The following EPB41L4A variants were observed in gnomAD, a reference collection of about 807,000 sequenced individuals.
EPB41L4A encodes the protein erythrocyte membrane protein band 4.1 like 4A, also known as band 4.1-like protein 4A.
Under a neutral mutation model 108.6 loss-of-function variants are expected in EPB41L4A, and 100 were observed. That is an observed-to-expected ratio of 0.92 (90% confidence interval 0.78 to 1.09). EPB41L4A has a LOEUF of 1.09. Among genes scored for constraint, EPB41L4A ranks in the 50% least tolerant of loss-of-function variants. The pLI is 0.00. For synonymous variants in EPB41L4A, 319 were observed against 289.0 expected, an observed-to-expected ratio of 1.10 and a Z score of -1.05; for missense variants, 1,030 against 842.7, an observed-to-expected ratio of 1.22 and a Z score of -2.75.
At chr5:112,388,557 C>T (rs577008702) in intron 1 of EPB41L4A, among the ~76,000 whole-genome samples, 18 of 152,130 alleles carry the variant, frequency 1.2e-4, no homozygotes, top group African/African-American at 3.6e-4. Context: ...TTGAAGAGAC[C>T]GAGAGAGAAT....
intron 1 of EPB41L4A, among the ~76,000 whole-genome samples, chr5:112,380,792 T>TACAC (rs34831455): frequency 0.012 from 1,689 of 141,198 alleles, 20 homozygotes; most frequent in African/African-American, 0.032. Flanking sequence ...ATCACACACA[T>TACAC]ACACACACAC....
chr5:112,260,256 A>G (rs1056354570), intron 7 of EPB41L4A, among the ~76,000 whole-genome samples: 1 of 152,230 alleles, frequency 6.6e-6, no homozygotes, highest in African/African-American at 2.4e-5. Flanking sequence ...GACTTACCCA[A>G]CTTTCCTTAC....
chr5:112,194,528 G>C, intron 17 of EPB41L4A, 40 bp downstream of exon 17: 1 of 1,246,566 alleles, frequency 8.0e-7, no homozygotes, highest in Non-Finnish European at 1.1e-6. Flanking sequence ...GGCAGCCTCT[G>C]ATTTCAGAGT....
intron 17 of EPB41L4A, chr5:112,191,985 T>C (rs900986805): frequency 6.6e-6 from 1 of 152,146 alleles, no homozygotes; most frequent in African/African-American, 2.4e-5. Context: ...CAAGATTCTG[T>C]TTGCCCCATT....
upstream of EPB41L4A, chr5:112,419,924 A>C: frequency 2.2e-6 from 1 of 456,128 alleles, no homozygotes; most frequent in Non-Finnish European, 4.4e-6. Context: ...CAAAGCGGGG[A>C]GGCGGGGACC....
intron 17 of EPB41L4A, among the ~76,000 whole-genome samples, chr5:112,190,377 C>G (rs1761636337): frequency 6.6e-6 from 1 of 152,122 alleles, no homozygotes. Flanking sequence ...CTTTAGAAAA[C>G]TACGCACTTG....
chr5:112,293,367 T>TCCACCTCCCACCCTCC (rs374968122), intron 2 of EPB41L4A, among the ~76,000 whole-genome samples: 3 of 151,922 alleles, frequency 2.0e-5, no homozygotes, highest in Non-Finnish European at 2.9e-5. Flanking sequence ...TCTCCCTCCT[T>TCCACCTCCCACCCTCC]TTAATTTAGT....
intron 1 of EPB41L4A, among the ~76,000 whole-genome samples, chr5:112,389,143 A>C (rs1024654705): frequency 7.2e-5 from 11 of 152,218 alleles, no homozygotes; most frequent in African/African-American, 2.7e-4. Context: ...ATGATCATTT[A>C]AAAAGCAAAT....
intron 9 of EPB41L4A, among the ~76,000 whole-genome samples, chr5:112,247,053 T>A (rs2150399326): frequency 6.6e-6 from 1 of 152,334 alleles, no homozygotes; most frequent in East Asian, 1.9e-4. Context: ...CAGGTTTGTG[T>A]AAAAATATTC....
In EPB41L4A at chr5:112,259,928, C is replaced by T. The variant is rs372473511; in HGVS notation, c.694G>A (p.Val232Met). 1.1e-4 allele frequency: 176 copies of T among 1,614,084 alleles called. No individual in the cohort carries two copies. Among genetic ancestry groups the T allele is most frequent in the South Asian group, 1.8e-4 (16 of 91,076 alleles). ...CCCACTTGCTTTTTATTCTTGTACA[C>T]AACAACACCAACCGGAGTTAATCCT... is the stretch of plus-strand genomic sequence containing the variant. The part of the protein sequence containing the change: ...FLGLTPVGVV[V>M]YKNKKQVGKY... The change falls in exon 8 of 23, where the codon GTG (valine) becomes ATG (methionine). Residue 232 changes from valine (V) to methionine (M), a missense_variant. By Grantham distance (21) the Val-to-Met change is conservative. Coordinates refer to ENST00000261486, the MANE Select transcript of EPB41L4A (RefSeq NM_022140.5).
intron 12 of EPB41L4A, among the ~76,000 whole-genome samples, chr5:112,225,632 A>G (rs1748394095): frequency 6.6e-6 from 1 of 152,206 alleles, no homozygotes; most frequent in Non-Finnish European, 1.5e-5. Flanking sequence ...TACTGTTACT[A>G]GTTTCTAATG....
intron 9 of EPB41L4A, among the ~76,000 whole-genome samples, chr5:112,247,448 T>C (rs1750329046): frequency 1.3e-5 from 2 of 152,164 alleles, no homozygotes; most frequent in African/African-American, 4.8e-5. Context: ...TCCCTGTGCC[T>C]TTCAACAATG....
chr5:112,275,224 A>T (rs1752544176), intron 4 of EPB41L4A, 102 bp downstream of exon 4: 1 of 1,365,820 alleles, frequency 7.3e-7, no homozygotes, highest in Non-Finnish European at 9.8e-7. Flanking sequence ...AAATGCAGGT[A>T]GACACACATC....
At chr5:112,414,001 T>A (rs1762560932) in intron 1 of EPB41L4A, among the ~76,000 whole-genome samples, 1 of 152,342 alleles carries the variant, frequency 6.6e-6, no homozygotes, top group African/African-American at 2.4e-5. Flanking sequence ...ACAGCATGAA[T>A]GTAGAAGGTG....
chr5:112,226,283 T>G (rs1748446860), intron 12 of EPB41L4A, among the ~76,000 whole-genome samples: 1 of 152,218 alleles, frequency 6.6e-6, no homozygotes, highest in Non-Finnish European at 1.5e-5. Context: ...AGTGACGTAT[T>G]TGATCTAATA....
chr5:112,386,260 C>A (rs997236462), intron 1 of EPB41L4A, among the ~76,000 whole-genome samples: 3 of 152,192 alleles, frequency 2.0e-5, no homozygotes, highest in Admixed American at 6.5e-5. Context: ...GTAAACCCAG[C>A]CTACAAAATG....
At chr5:112,229,702 C>A (rs1748728643) in intron 12 of EPB41L4A, among the ~76,000 whole-genome samples, 1 of 152,140 alleles carries the variant, frequency 6.6e-6, no homozygotes, top group Non-Finnish European at 1.5e-5. Context: ...GAGTAACGGT[C>A]TCCAGGCCAG....
Position 112,240,744 on chromosome 5 carries a change from T to C in EPB41L4A, c.862A>G (p.Ser288Gly), listed in dbSNP as rs764315961. ...CTAAAAAATGTATGATGTTCCACAC[T>C]GCACTTCCAGAGGTGCTTGCAAGCA... is the stretch of plus-strand genomic sequence containing the variant. ...KTACKHLWKC[S>G]VEHHTFFRMP... The change falls in exon 10 of 23, where the codon AGT becomes GGT. Residue 288 changes from serine (S) to glycine (G), a missense_variant. Physicochemically the swap from Ser to Gly is moderately conservative, Grantham distance 56. Transcript: ENST00000261486. 5 of 1,580,412 alleles carry C rather than the reference T, an allele frequency of 3.2e-6. No homozygotes were observed. The Admixed American group carries it at 8.0e-5, about 25-fold the overall frequency.
At chr5:112,219,001 T>C (rs540913068) in intron 12 of EPB41L4A, among the ~76,000 whole-genome samples, 57 of 152,364 alleles carry the variant, frequency 3.7e-4, no homozygotes, top group African/African-American at 1.3e-3. Flanking sequence ...CGATTCGTTG[T>C]GTCATCCATT....
Sources: gnomAD v4.1 joint callset for allele counts (sites outside exome capture counted in the v4.1 genomes callset) on GRCh38, gnomAD v4.1.1 for gene constraint, MANE v1.5 for transcripts, NCBI Gene and HGNC (gene_info 2026-07-23, HGNC 2026-07-21) for gene names.